WDFY4: variants seen among roughly 807,000 people sequenced by gnomAD.
The protein encoded by WDFY4 is WD repeat- and FYVE domain-containing protein 4.
A neutral mutation model predicts 351.9 loss-of-function variants in WDFY4; 169 were observed. The observed-to-expected ratio is 0.48, with a 90% CI of 0.42 to 0.55. The LOEUF (loss-of-function observed/expected upper bound fraction) is 0.55, where lower values mean the gene tolerates loss of function less well. WDFY4 is among the 20% of genes least tolerant of loss of function. WDFY4 has a pLI of 0.00. For missense variants in WDFY4, 3,803 were observed against 3,935.6 expected (o/e 0.97, Z 0.90); for synonymous variants, 1,622 against 1,574.6 (o/e 1.03, Z -0.71).
At chr10:48,789,767 T>C in intron 21 of WDFY4, 107 bp from the exon 22 acceptor site, 1 of 922,070 alleles carries the variant, frequency 1.1e-6, no homozygotes, top group Non-Finnish European at 1.7e-6. Flanking sequence ...GCTGATGGAG[T>C]GTCAGCACTG....
chr10:48,837,536 T>C (rs1174383321), intron 39 of WDFY4, among the ~76,000 whole-genome samples: 1 of 152,058 alleles, frequency 6.6e-6, no homozygotes, highest in East Asian at 1.9e-4. Flanking sequence ...TAGCTGTAGC[T>C]GGAGTAGTGA....
In WDFY4 at chr10:48,865,252, G is replaced by GT. The variant is rs2069503287; in HGVS notation, c.6664-2011dup. ...TGAGAAAATTCTTTTTCCCCACCCAGTTGGTTGACTTTTTGTTTTGTCATG... is the reference window on the plus strand; with the variant it reads ...TGAGAAAATTCTTTTTCCCCACCCAGTTTGGTTGACTTTTTGTTTTGTCATG... On this transcript the variant is annotated intron_variant, in intron 39 of 61. Coordinates refer to ENST00000325239, the MANE Select transcript of WDFY4 (RefSeq NM_001394531.1). Among the ~76,000 whole-genome samples the GT allele has an allele frequency of 1.3e-5, 2 of 152,084 alleles. 1 individual carries two copies. Among genetic ancestry groups the GT allele is most frequent in the Non-Finnish European group, 2.9e-5 (2 of 68,004 alleles).
intron 39 of WDFY4, among the ~76,000 whole-genome samples, chr10:48,833,911 C>T (rs2133078472): frequency 6.6e-6 from 1 of 152,338 alleles, no homozygotes; most frequent in African/African-American, 2.4e-5. Flanking sequence ...GCCTAAATCC[C>T]ACCAGCTCAG....
intron 14 of WDFY4, among the ~76,000 whole-genome samples, chr10:48,775,146 GA>G (rs2065989409): frequency 6.6e-6 from 1 of 152,198 alleles, no homozygotes; most frequent in South Asian, 2.1e-4. Context: ...CACATTCCTG[GA>G]GAGCCATGGC....
At chr10:48,896,282 C>G (rs1264110100) in intron 44 of WDFY4, among the ~76,000 whole-genome samples, 3 of 152,218 alleles carry the variant, frequency 2.0e-5, no homozygotes, top group Non-Finnish European at 4.4e-5. Context: ...AGATGAGTGG[C>G]TATGTCATCC....
At chr10:48,874,560 A>G (rs1243269157) in intron 41 of WDFY4, among the ~76,000 whole-genome samples, 1 of 152,198 alleles carries the variant, frequency 6.6e-6, no homozygotes, top group Non-Finnish European at 1.5e-5. Context: ...TCATTTATTC[A>G]GTAGATACTT....
At chr10:48,969,950 G>C (rs1189669213) in intron 56 of WDFY4, among the ~76,000 whole-genome samples, 181 bp from the exon 57 acceptor site, 1 of 152,172 alleles carries the variant, frequency 6.6e-6, no homozygotes, top group Non-Finnish European at 1.5e-5. Flanking sequence ...TGCTGGAGGA[G>C]GAGCTCCTGC....
intron 39 of WDFY4, among the ~76,000 whole-genome samples, chr10:48,863,736 T>A (rs902072789): frequency 4.6e-5 from 7 of 152,154 alleles, no homozygotes; most frequent in Admixed American, 1.3e-4. Context: ...TCCGTTTTCA[T>A]ATTGCTATAA....
intron 13 of WDFY4, among the ~76,000 whole-genome samples, chr10:48,769,183 T>C (rs571241040): frequency 6.6e-6 from 1 of 152,298 alleles, no homozygotes; most frequent in African/African-American, 2.4e-5. Context: ...CCAGGCCCTT[T>C]ACATGTGGAT....
At chr10:48,770,890 G>A (rs369147155) in intron 13 of WDFY4, among the ~76,000 whole-genome samples, 4 of 152,222 alleles carry the variant, frequency 2.6e-5, no homozygotes, top group African/African-American at 9.6e-5. Context: ...CATGTGCTCA[G>A]GAAAACAGCA....
At position 48,734,674 on chromosome 10, in the gene WDFY4, T is replaced by C. The variant is rs184934041; in HGVS notation, c.1687+639T>C. On this transcript the variant is annotated intron_variant, in intron 10 of 61. Coordinates refer to ENST00000325239, the MANE Select transcript of WDFY4 (RefSeq NM_001394531.1). Reference sequence around the variant, plus strand: ...TATGGCAGAGAGAGAGTCTTTAACATTTAGTCTGCAAAAGGTTCCCCGGAG... The same window carrying C: ...TATGGCAGAGAGAGAGTCTTTAACACTTAGTCTGCAAAAGGTTCCCCGGAG... Among the ~76,000 whole-genome samples the C allele has an allele frequency of 2.6e-5, 4 of 152,216 alleles. No individual in the cohort carries two copies. In the East Asian group the frequency reaches 7.7e-4, roughly 29 times the overall value.
chr10:48,822,837 G>T (rs1298247226), intron 35 of WDFY4, among the ~76,000 whole-genome samples: 5 of 152,202 alleles, frequency 3.3e-5, no homozygotes, highest in African/African-American at 4.8e-5. Flanking sequence ...TTTTTATTGT[G>T]ATTGTTGGTT....
intron 44 of WDFY4, among the ~76,000 whole-genome samples, chr10:48,891,253 G>T (rs928599840): frequency 6.6e-6 from 1 of 152,176 alleles, no homozygotes; most frequent in Admixed American, 6.5e-5. Context: ...ATCAAGATCT[G>T]GGTTTTGCAG....
At chr10:48,841,334 T>G (rs2068598426) in intron 39 of WDFY4, among the ~76,000 whole-genome samples, 1 of 152,244 alleles carries the variant, frequency 6.6e-6, no homozygotes, top group African/African-American at 2.4e-5. Context: ...TTTTTCTTAT[T>G]TGATCATTTT....
intron 12 of WDFY4, among the ~76,000 whole-genome samples, chr10:48,757,872 C>T (rs2065382679): frequency 2.0e-5 from 3 of 152,012 alleles, no homozygotes; most frequent in Non-Finnish European, 4.4e-5. Flanking sequence ...AGAAAGCTTA[C>T]CTCTACGCCG....
chr10:48,907,945 G>C (rs7086101), intron 47 of WDFY4, among the ~76,000 whole-genome samples: 1 of 152,124 alleles, frequency 6.6e-6, no homozygotes, highest in Non-Finnish European at 1.5e-5. Flanking sequence ...CTCAAAATGA[G>C]AGTGACAGCC....
intron 20 of WDFY4, 32 bp downstream of exon 20, chr10:48,786,902 C>A (rs1048132019): frequency 2.5e-5 from 38 of 1,529,802 alleles, no homozygotes; most frequent in Non-Finnish European, 3.2e-5. Flanking sequence ...AATGTTCTTG[C>A]TGATATTAGT....
chr10:48,910,096 C>A (rs1036583551), intron 47 of WDFY4: 7 of 727,748 alleles, frequency 9.6e-6, no homozygotes, highest in Non-Finnish European at 1.5e-5. Context: ...AGAAGCAAGT[C>A]GGTGGCTTGG....
At chr10:48,737,881 G>T (rs903210074) in intron 11 of WDFY4, among the ~76,000 whole-genome samples, 1 of 152,158 alleles carries the variant, frequency 6.6e-6, no homozygotes, top group Non-Finnish European at 1.5e-5. Flanking sequence ...AATGTTAAAG[G>T]CAGAGAGACA....
Sources: gnomAD v4.1 joint callset for allele counts (sites outside exome capture counted in the v4.1 genomes callset) on GRCh38, gnomAD v4.1.1 for gene constraint, MANE v1.5 for transcripts, NCBI Gene and HGNC (gene_info 2026-07-23, HGNC 2026-07-21) for gene names.